The following SPG21 variants were observed in gnomAD, a reference collection of about 807,000 sequenced individuals.
The protein encoded by SPG21 is SPG21 abhydrolase domain containing, maspardin.
In SPG21, 26 loss-of-function variants were observed where a neutral mutation model predicts 38.9. The ratio of observed to expected loss-of-function variants is 0.67; its 90% confidence interval spans 0.49 to 0.93. The LOEUF is 0.93. Among genes scored for constraint, SPG21 ranks in the 40% least tolerant of loss-of-function variants. The pLI, the probability that SPG21 is intolerant of heterozygous loss-of-function variation, is 0.00. For missense variants in SPG21, 333 were observed against 376.5 expected, an observed-to-expected ratio of 0.88 and a Z score of 0.96; for synonymous variants, 136 against 128.9, an observed-to-expected ratio of 1.05 and a Z score of -0.37.
chr15:64,969,141 A>G, intron 7 of SPG21, 114 bp downstream of exon 7: 2 of 763,216 alleles, frequency 2.6e-6, no homozygotes, highest in Non-Finnish European at 2.3e-6. Flanking sequence ...TAAAAACAAA[A>G]GCCAAGGCAG....
In SPG21 at chr15:64,980,919, T is replaced by G; in HGVS notation, c.170A>C (p.Asp57Ala). 1 of 1,613,780 alleles carries G rather than the reference T, an allele frequency of 6.2e-7. No individual in the cohort carries two copies. Among genetic ancestry groups the G allele is most frequent in the Non-Finnish European group, 8.5e-7 (1 of 1,179,980 alleles). ...IFLPPVSGTA[D>A]VFFRQILALT... ...AGCCAAAATCTGCCGGAAAAAGACA[T>G]CTGCAGTTCCACTGACAGGGGGCAG... is the stretch of plus-strand genomic sequence containing the variant. Residue 57 changes from aspartate to alanine, a missense_variant, in exon 3 of 9, where the codon GAT (aspartate) becomes GCT (alanine). Physicochemically the swap from Asp to Ala is moderately radical, Grantham distance 126. Coordinates refer to ENST00000204566, the MANE Select transcript of SPG21 (RefSeq NM_016630.7).
In SPG21 at chr15:64,963,514, CG is replaced by C; in HGVS notation, c.*105del. 1.2e-6 allele frequency: 1 copy of C among 859,866 alleles called. No individual in the cohort carries two copies. The highest frequency in any genetic ancestry group is 1.6e-5 in the African/African-American group (1 of 60,860). The allele number at this position is 859,866 out of a possible 1,614,324, so 53.3% of individuals were successfully genotyped here. Reference sequence around the variant, plus strand: ...CCTACTTCCCAGACACAGTGAGAACCGGTGAGCCTGACGAACCTGAAGGAAA... The same window carrying C: ...CCTACTTCCCAGACACAGTGAGAACCGTGAGCCTGACGAACCTGAAGGAAA... On this transcript the variant is annotated 3_prime_UTR_variant, in exon 9 of 9. Coordinates refer to ENST00000204566, the MANE Select transcript of SPG21 (RefSeq NM_016630.7).
rs553255449 is a variant in SPG21 at position 64,965,184 on chromosome 15, T to G, written c.810+136A>C. The G allele has an allele frequency of 2.5e-6, 3 of 1,208,406 alleles. No homozygotes were observed. In the East Asian group the frequency reaches 7.4e-5, roughly 30 times the overall value. 74.9% of individuals were successfully genotyped at this position (1,208,406 alleles called of 1,614,324 possible). A position where few individuals can be genotyped will look rare whatever the true frequency, so the allele number is the denominator to read the frequency against. ...CCTACAAGTTATAAATGTAAACCAC[T>G]TTTATCAAGTCAATGCCTCATTTCT... On this transcript the variant is annotated intron_variant, in intron 8 of 8. Coordinates refer to ENST00000204566, the MANE Select transcript of SPG21 (RefSeq NM_016630.7).
chr15:64,969,378 C>G lies in SPG21; in HGVS notation c.562-16G>C. 2 of 1,545,528 alleles carry G rather than the reference C, an allele frequency of 1.3e-6. No homozygotes were observed. The highest frequency in any genetic ancestry group is 8.9e-7 in the Non-Finnish European group (1 of 1,117,712). ...AACTTTCTAGCTGCAGGAAGAAACA[C>G]AGGTAAAGTTTTTGAAATAATTTTG... is the stretch of plus-strand genomic sequence containing the variant. On this transcript the variant is annotated splice_polypyrimidine_tract_variant and intron_variant, in intron 6 of 8. Coordinates refer to ENST00000204566, the MANE Select transcript of SPG21 (RefSeq NM_016630.7).
chr15:64,980,429 T>C lies in SPG21; in HGVS notation c.225+435A>G, dbSNP rs578181161. Among the ~76,000 whole-genome samples the C allele has an allele frequency of 2.0e-5, 3 of 152,038 alleles. No individual in the cohort carries two copies. In the South Asian group the frequency reaches 6.2e-4, roughly 32 times the overall value. The stretch of plus-strand genomic sequence containing the variant: ...CTCACATATTAAAATAAGCAAACAG[T>C]ATCTTTCCTCAATTAAAAAAACTGC... On this transcript the variant is annotated intron_variant, in intron 3 of 8. Transcript: ENST00000204566.
Position 64,963,380 on chromosome 15 carries a change from T to C in SPG21, c.*240A>G, listed in dbSNP as rs947519106. ...AGCAAAATTTGCACGGTTCTTAAAA[T>C]GGGAGTCTTCAAAAGTACTTCTTCA... On this transcript the variant is annotated 3_prime_UTR_variant, in exon 9 of 9. Coordinates refer to ENST00000204566, the MANE Select transcript of SPG21 (RefSeq NM_016630.7). The C allele has an allele frequency of 1.3e-5, 6 of 476,350 alleles. No individual in the cohort carries two copies. The highest frequency in any genetic ancestry group is 1.9e-5 in the Non-Finnish European group (5 of 266,200). 29.5% of individuals were successfully genotyped at this position (476,350 alleles called of 1,614,324 possible).
chr15:64,965,333 T>C lies in SPG21; in HGVS notation c.797A>G (p.Asn266Ser), dbSNP rs764559344. Residue 266 changes from asparagine to serine, a missense_variant, in exon 8 of 9, where the codon AAT becomes AGT. By Grantham distance (46) the Asn-to-Ser change is conservative (BLOSUM62 1). Transcript: ENST00000204566. Reference sequence around the variant, plus strand: ...GCTAGGCCTTACCTGTACATAAAGATTGACCTCTGCACTTCTGCACAGGTA... The same window carrying C: ...GCTAGGCCTTACCTGTACATAAAGACTGACCTCTGCACTTCTGCACAGGTA... ...FPYLCRSAEV[N>S]LYVQIHLLQF... 1.2e-5 allele frequency: 19 copies of C among 1,614,082 alleles called. No homozygotes were observed. The highest frequency in any genetic ancestry group is 5.5e-5 in the South Asian group (5 of 91,090).
chr15:64,969,681 G>GTTT (rs1299155585), intron 6 of SPG21, among the ~76,000 whole-genome samples: 4 of 38,924 alleles, frequency 1.0e-4, no homozygotes, highest in African/African-American at 1.4e-4. Flanking sequence ...ACAGATATAT[G>GTTT]TTTTTGTTTT....
At chr15:64,982,985 C>T (rs111656431) in intron 2 of SPG21, 4,749 of 161,664 alleles carry the variant, frequency 0.029, 130 homozygotes, top group South Asian at 0.13. Context: ...AGGCTGGGTG[C>T]GGTGGCTCAC....
In SPG21 at chr15:64,970,162, G is replaced by C; in HGVS notation, c.513C>G (p.Gly171=). 1 of 1,614,106 alleles carries C rather than the reference G, an allele frequency of 6.2e-7. No homozygotes were observed. The highest frequency in any genetic ancestry group is 8.5e-7 in the Non-Finnish European group (1 of 1,180,026). The part of the protein sequence containing the change: ...KKIVLGNFSS[G]PVDPMMADAI... ...CATCAGCCATCATAGGGTCCACCGG[G>C]CCAGATGAAAAATTTCCAAGAACTA... The change falls in exon 6 of 9, where the codon GGC becomes GGG. Residue 171 remains glycine, a synonymous_variant. Coordinates refer to ENST00000204566, the MANE Select transcript of SPG21 (RefSeq NM_016630.7).
chr15:64,969,628 A>G (rs1471801865), intron 6 of SPG21, among the ~76,000 whole-genome samples: 1 of 151,794 alleles, frequency 6.6e-6, no homozygotes, highest in Non-Finnish European at 1.5e-5. Flanking sequence ...TACTCCAGCC[A>G]GGTGCCCATG....
At chr15:64,983,794 T>TC (rs566878492) in intron 1 of SPG21, among the ~76,000 whole-genome samples, 42 of 152,130 alleles carry the variant, frequency 2.8e-4, no homozygotes, top group African/African-American at 9.4e-4. Flanking sequence ...TCTTTTTTTT[T>TC]TTTTTTTGAG....
At chr15:64,978,152 A>G (rs868651497) in intron 3 of SPG21, among the ~76,000 whole-genome samples, 1 of 151,360 alleles carries the variant, frequency 6.6e-6, no homozygotes, top group Non-Finnish European at 1.5e-5. Flanking sequence ...TTTTATATAC[A>G]TATAAAACCA....
rs975228674 is a variant in SPG21, at chr15:64,981,278, TC to T, written c.64-254del. ...AAAGGGCTGCTGCTTCTCTGTTTCT[TC>T]CCCCTCCTCCTTTTTTTTTTTTTTT... On this transcript the variant is annotated intron_variant, in intron 2 of 8. Transcript: ENST00000204566. The T allele has an allele frequency of 5.5e-5, 22 of 399,242 alleles. No homozygotes were observed. The Admixed American group carries it at 7.6e-4, about 14-fold the overall frequency. The allele number at this position is 399,242 out of a possible 1,614,324, so 24.7% of individuals were successfully genotyped here.
At chr15:64,969,438 T>C in intron 6 of SPG21, 76 bp from the exon 7 acceptor site, 1 of 1,081,956 alleles carries the variant, frequency 9.2e-7, no homozygotes, top group Non-Finnish European at 1.4e-6. Context: ...CAGACAACAT[T>C]TGTGCTTATA....
intron 7 of SPG21, 99 bp downstream of exon 7, chr15:64,969,156 T>G: frequency 1.2e-6 from 1 of 856,396 alleles, no homozygotes; most frequent in Non-Finnish European, 2.0e-6. Flanking sequence ...AGGCAGCATT[T>G]GAAGAGGTAC....
intron 8 of SPG21, 57 bp from the exon 9 acceptor site, chr15:64,963,793 G>A (rs1400168168): frequency 6.6e-7 from 1 of 1,525,420 alleles, no homozygotes; most frequent in African/African-American, 1.4e-5. Context: ...TGTCACTCTT[G>A]TTGCCCAGGC....
chr15:64,981,173 A>G (rs2085878267), intron 2 of SPG21, 148 bp from the exon 3 acceptor site: 1 of 845,298 alleles, frequency 1.2e-6, no homozygotes. Flanking sequence ...AGCATGCATG[A>G]CAAACTCCTC....
At chr15:64,969,155 T>C (rs1389130352) in intron 7 of SPG21, 100 bp downstream of exon 7, 8 of 850,102 alleles carry the variant, frequency 9.4e-6, no homozygotes, top group East Asian at 7.4e-5. Flanking sequence ...AAGGCAGCAT[T>C]TGAAGAGGTA....
Sources: gnomAD v4.1 joint callset for allele counts (sites outside exome capture counted in the v4.1 genomes callset) on GRCh38, gnomAD v4.1.1 for gene constraint, MANE v1.5 for transcripts, NCBI Gene and HGNC (gene_info 2026-07-23, HGNC 2026-07-21) for gene names.